Variants in SRPK2 observed in about 807,000 individuals in gnomAD.
SRPK2 encodes the protein SRSF protein kinase 2, also known as SFRS protein kinase 2.
Under a neutral mutation model 90.8 loss-of-function variants are expected in SRPK2, and 21 were observed. That is an observed-to-expected ratio of 0.23 (90% CI 0.16 to 0.33). The LOEUF (loss-of-function observed/expected upper bound fraction) is 0.33, where lower values mean the gene tolerates loss of function less well. Ranked by LOEUF, SRPK2 falls within the 10% of genes least tolerant of loss-of-function variation. SRPK2 has a pLI of 1.00. For synonymous variants in SRPK2, 288 were observed against 311.1 expected (o/e 0.93, Z 0.78); for missense variants, 620 against 869.0 (o/e 0.71, Z 3.60).
At chr7:105,145,402 C>T (rs1332967870) in intron 8 of SRPK2, 94 bp from the exon 9 acceptor site, 4 of 833,584 alleles carry the variant, frequency 4.8e-6, no homozygotes, top group Non-Finnish European at 7.4e-6. Context: ...TAATTATTGT[C>T]TTTTAATGGC....
intron 2 of SRPK2, among the ~76,000 whole-genome samples, chr7:105,374,213 C>A (rs2080567173): frequency 6.6e-6 from 1 of 152,204 alleles, no homozygotes; most frequent in Non-Finnish European, 1.5e-5. Context: ...AGGCATGAGC[C>A]ACCGCGCCCA....
intron 15 of SRPK2, among the ~76,000 whole-genome samples, chr7:105,118,787 G>C (rs1799921512): frequency 6.6e-6 from 1 of 151,766 alleles, no homozygotes; most frequent in Non-Finnish European, 1.5e-5. Flanking sequence ...GGGCACGGTG[G>C]TACATCCCAG....
intron 2 of SRPK2, among the ~76,000 whole-genome samples, chr7:105,270,326 A>C (rs1373312922): frequency 1.3e-5 from 2 of 151,862 alleles, no homozygotes; most frequent in Non-Finnish European, 2.9e-5. Flanking sequence ...GTGAGCCCTC[A>C]GCAGGGCCCC....
chr7:105,187,577 C>G (rs1793750118), intron 3 of SRPK2, among the ~76,000 whole-genome samples: 1 of 152,074 alleles, frequency 6.6e-6, no homozygotes. Context: ...TTAGCTTAAA[C>G]TAAATGCTAT....
chr7:105,258,711 G>A (rs1803739819), intron 2 of SRPK2, among the ~76,000 whole-genome samples: 5 of 152,156 alleles, frequency 3.3e-5, no homozygotes, highest in Admixed American at 3.3e-4. Context: ...TCACCCCTGG[G>A]ATGCAAGGCT....
intron 2 of SRPK2, among the ~76,000 whole-genome samples, chr7:105,251,141 A>G (rs917246087): frequency 1.3e-5 from 2 of 152,238 alleles, no homozygotes; most frequent in Admixed American, 6.5e-5. Context: ...TGAAGTAACT[A>G]TAACAGGACA....
At chr7:105,280,711 G>A (rs1459040954) in intron 2 of SRPK2, among the ~76,000 whole-genome samples, 1 of 150,972 alleles carries the variant, frequency 6.6e-6, no homozygotes, top group Non-Finnish European at 1.5e-5. Flanking sequence ...ACTTTGGGAG[G>A]CCGAGGCGGG....
intron 2 of SRPK2, among the ~76,000 whole-genome samples, chr7:105,386,213 C>CT (rs1821574164): frequency 6.6e-6 from 1 of 150,930 alleles, no homozygotes; most frequent in African/African-American, 2.4e-5. Context: ...ACTCAGGAGG[C>CT]TGAGGCAGGA....
chr7:105,269,114 G>A (rs1313469221), intron 2 of SRPK2: 41 of 1,116,622 alleles, frequency 3.7e-5, no homozygotes, highest in Non-Finnish European at 4.4e-6. Flanking sequence ...AAAGCAGAGG[G>A]GTGTTTTCTT....
chr7:105,248,436 TAAAAAAAAA>T (rs56040288), intron 2 of SRPK2, among the ~76,000 whole-genome samples: 2 of 127,874 alleles, frequency 1.6e-5, no homozygotes, highest in African/African-American at 3.0e-5. Context: ...ACAAAAAATT[TAAAAAAAAA>T]AAAAAAAAAA....
At chr7:105,216,084 A>G (rs1175581836) in intron 2 of SRPK2, among the ~76,000 whole-genome samples, 1 of 152,030 alleles carries the variant, frequency 6.6e-6, no homozygotes, top group Non-Finnish European at 1.5e-5. Flanking sequence ...AAAAAAAAAA[A>G]AAGTTAAATT....
chr7:105,126,403 G>A (rs1801215307), intron 14 of SRPK2, 63 bp from the exon 15 acceptor site: 1 of 1,223,282 alleles, frequency 8.2e-7, no homozygotes. Context: ...TGGGATAAAA[G>A]AAGAGGGAAA....
intron 2 of SRPK2, among the ~76,000 whole-genome samples, chr7:105,321,648 G>T (rs1220885103): frequency 6.6e-6 from 1 of 152,014 alleles, no homozygotes; most frequent in South Asian, 2.1e-4. Context: ...GATTTTAATA[G>T]AATCTCTCAA....
chr7:105,376,185 G>C (rs1820274768), intron 2 of SRPK2, among the ~76,000 whole-genome samples: 1 of 151,470 alleles, frequency 6.6e-6, no homozygotes, highest in Non-Finnish European at 1.5e-5. Context: ...GTTTAGTAGA[G>C]ACAGGGTTTC....
At chr7:105,144,781 T>C (rs1356374269) in intron 9 of SRPK2, among the ~76,000 whole-genome samples, 1 of 152,204 alleles carries the variant, frequency 6.6e-6, no homozygotes, top group Non-Finnish European at 1.5e-5. Flanking sequence ...TGAAAGGCTC[T>C]AACTATCCCA....
At chr7:105,320,188 T>A (rs1326650431) in intron 2 of SRPK2, among the ~76,000 whole-genome samples, 1 of 152,168 alleles carries the variant, frequency 6.6e-6, no homozygotes, top group African/African-American at 2.4e-5. Flanking sequence ...CAGTGACACA[T>A]ACACACATTC....
intron 7 of SRPK2, among the ~76,000 whole-genome samples, 198 bp from the exon 8 acceptor site, chr7:105,146,856 A>C (rs1215117524): frequency 1.3e-5 from 2 of 152,154 alleles, no homozygotes; most frequent in African/African-American, 2.4e-5. Context: ...AGTGTGTATA[A>C]TTTCAGAGAT....
chr7:105,302,101 G>C, intron 2 of SRPK2: 2 of 1,533,390 alleles, frequency 1.3e-6, no homozygotes, highest in African/African-American at 1.4e-5. Flanking sequence ...TGGAATTTGA[G>C]ACAAGGAAAG....
intron 2 of SRPK2, among the ~76,000 whole-genome samples, chr7:105,355,457 C>A (rs1038450485): frequency 5.9e-5 from 9 of 151,964 alleles, no homozygotes; most frequent in African/African-American, 2.2e-4. Context: ...CCAGCCTGGG[C>A]AACATTACAA....
Sources: allele counts gnomAD v4.1 joint callset (sites outside exome capture counted in the v4.1 genomes callset), GRCh38; gene constraint gnomAD v4.1.1; transcripts MANE v1.5; gene names NCBI Gene and HGNC (gene_info 2026-07-23, HGNC 2026-07-21).